The following SH3RF2 variants were observed in gnomAD, a reference collection of about 807,000 sequenced individuals.
The protein encoded by SH3RF2 is SH3 domain containing ring finger 2, also known as E3 ubiquitin-protein ligase SH3RF2.
Under a neutral mutation model 59.0 loss-of-function variants are expected in SH3RF2, and 43 were observed. The ratio of observed to expected loss-of-function variants is 0.73; its 90% CI spans 0.57 to 0.94. SH3RF2 has a LOEUF of 0.94. Ranked by LOEUF, SH3RF2 falls within the 40% of genes least tolerant of loss-of-function variation. The probability of loss-of-function intolerance (pLI) is 0.00; values close to 1 mark genes in which losing one functional copy is unlikely to be tolerated. For missense variants in SH3RF2, 930 were observed against 940.1 expected (o/e 0.99, Z 0.14); for synonymous variants, 391 against 391.5 (o/e 1.00, Z 0.01).
chr5:146,040,241 C>G (rs1404211127), intron 5 of SH3RF2, among the ~76,000 whole-genome samples: 1 of 152,096 alleles, frequency 6.6e-6, no homozygotes, highest in Non-Finnish European at 1.5e-5. Flanking sequence ...ATGCAGGTGT[C>G]TGTTTTACGG....
At chr5:146,042,348 C>A (rs778183140) in intron 5 of SH3RF2, among the ~76,000 whole-genome samples, 3 of 152,192 alleles carry the variant, frequency 2.0e-5, no homozygotes, top group Non-Finnish European at 2.9e-5. Flanking sequence ...AATCTCTTTG[C>A]AGATCAAAAT....
chr5:145,951,404 T>A (rs1758187690), intron 2 of SH3RF2, among the ~76,000 whole-genome samples: 1 of 152,228 alleles, frequency 6.6e-6, no homozygotes, highest in Non-Finnish European at 1.5e-5. Flanking sequence ...TCCCAAGTCA[T>A]GTTACCAGTT....
chr5:146,069,813 A>C (rs1351295988), intron 9 of SH3RF2, among the ~76,000 whole-genome samples: 1 of 152,022 alleles, frequency 6.6e-6, no homozygotes, highest in Non-Finnish European at 1.5e-5. Context: ...GGCTCTACCG[A>C]TCTGCCTGCC....
intron 9 of SH3RF2, among the ~76,000 whole-genome samples, chr5:146,074,455 G>T (rs1412865748): frequency 1.3e-5 from 2 of 151,944 alleles, no homozygotes; most frequent in Non-Finnish European, 2.9e-5. Context: ...TACAACGAGG[G>T]ACTTGGCTTA....
intron 9 of SH3RF2, among the ~76,000 whole-genome samples, chr5:146,070,586 G>A (rs976577785): frequency 1.3e-5 from 2 of 152,188 alleles, no homozygotes; most frequent in Admixed American, 1.3e-4. Context: ...CTCTTCATGA[G>A]ATTATTTCTG....
chr5:146,068,060 C>G (rs1429917523), downstream of SH3RF2, among the ~76,000 whole-genome samples: 1 of 152,226 alleles, frequency 6.6e-6, no homozygotes, highest in Non-Finnish European at 1.5e-5. Flanking sequence ...TGACAATCAC[C>G]TTCACCTGGT....
intron 2 of SH3RF2, among the ~76,000 whole-genome samples, chr5:145,994,608 T>G (rs539149734): frequency 5.9e-5 from 9 of 152,230 alleles, no homozygotes; most frequent in Admixed American, 2.0e-4. Context: ...CCATCAGATC[T>G]CATGAGACTT....
intron 2 of SH3RF2, among the ~76,000 whole-genome samples, chr5:145,996,959 G>A (rs1760182323): frequency 6.6e-6 from 1 of 152,180 alleles, no homozygotes; most frequent in South Asian, 2.1e-4. Flanking sequence ...TACACACTTA[G>A]CACATAGGAA....
intron 8 of SH3RF2, among the ~76,000 whole-genome samples, chr5:146,057,727 C>T (rs542644072): frequency 6.6e-6 from 1 of 152,164 alleles, no homozygotes; most frequent in African/African-American, 2.4e-5. Context: ...ATTACTTGAG[C>T]TCAGGAGTTC....
rs79323447 is a variant in SH3RF2, at chr5:146,008,281, G to C, written c.744+4128G>C. Among the ~76,000 whole-genome samples the C allele has an allele frequency of 6.8e-3, 1,033 of 152,276 alleles. 15 individuals are homozygous for C. Among genetic ancestry groups the C allele is most frequent in the African/African-American group, 0.024 (1,006 of 41,538 alleles). ...AGAGCTATTAATCATGTTGGCAGAG[G>C]ACAGGGCAGACGCAGAGTCTCCCGG... On this transcript the variant is annotated intron_variant, in intron 4 of 9. Coordinates refer to ENST00000359120, the MANE Select transcript of SH3RF2 (RefSeq NM_152550.4).
At chr5:145,960,676 CT>C (rs1346877982) in intron 2 of SH3RF2, among the ~76,000 whole-genome samples, 3 of 152,170 alleles carry the variant, frequency 2.0e-5, no homozygotes. Context: ...ACTCCTATGG[CT>C]GTCTAATTTC....
intron 9 of SH3RF2, among the ~76,000 whole-genome samples, chr5:146,074,922 C>T (rs1224935828): frequency 2.6e-5 from 4 of 152,140 alleles, no homozygotes; most frequent in Non-Finnish European, 5.9e-5. Context: ...AGGTAAGTCA[C>T]TTCACCTATC....
In SH3RF2 at chr5:145,936,703, C is replaced by G. The variant is rs910048978; in HGVS notation, c.-107+9C>G. 6.6e-6 allele frequency: 1 copy of G among 152,454 alleles called. No individual in the cohort carries two copies. Among genetic ancestry groups the G allele is most frequent in the Non-Finnish European group, 1.5e-5 (1 of 68,246 alleles). The allele number at this position is 152,454 out of a possible 1,614,324, so 9.4% of individuals were successfully genotyped here. On this transcript the variant is annotated intron_variant, in intron 1 of 9. Coordinates refer to ENST00000359120, the MANE Select transcript of SH3RF2 (RefSeq NM_152550.4). Reference sequence around the variant, plus strand: ...GAAGTTACATGCACAAGGTTAGTGGCCCCCACACGCCTCCCCAGCCCGCTG... The same window carrying G: ...GAAGTTACATGCACAAGGTTAGTGGGCCCCACACGCCTCCCCAGCCCGCTG...
intron 5 of SH3RF2, among the ~76,000 whole-genome samples, chr5:146,021,235 C>G (rs1561746698): frequency 6.6e-6 from 1 of 152,080 alleles, no homozygotes; most frequent in African/African-American, 2.4e-5. Flanking sequence ...TTCCTTTGGA[C>G]ACCCTCCCAG....
intron 5 of SH3RF2, among the ~76,000 whole-genome samples, chr5:146,038,677 A>T (rs1416510324): frequency 6.6e-6 from 1 of 152,226 alleles, no homozygotes; most frequent in African/African-American, 2.4e-5. Context: ...GCTCTAACAT[A>T]AGTGGAGAAT....
At chr5:146,055,676 G>T in intron 7 of SH3RF2, 1 of 380,536 alleles carries the variant, frequency 2.6e-6, no homozygotes, top group Non-Finnish European at 4.8e-6. Context: ...AGGGATGTGG[G>T]GTGAGGAATG....
chr5:146,041,932 A>G (rs11747075), intron 5 of SH3RF2, among the ~76,000 whole-genome samples: 1 of 152,088 alleles, frequency 6.6e-6, no homozygotes, highest in East Asian at 1.9e-4. Flanking sequence ...CCCTGTCTCA[A>G]AAAAATAAAA....
At chr5:145,949,508 T>A (rs962665751) in intron 2 of SH3RF2, among the ~76,000 whole-genome samples, 8 of 152,176 alleles carry the variant, frequency 5.3e-5, no homozygotes, top group Non-Finnish European at 1.2e-4. Flanking sequence ...TAAACAGGAA[T>A]GGCAGAGAAA....
At chr5:146,052,722 T>C (rs1373136427) in intron 7 of SH3RF2, among the ~76,000 whole-genome samples, 1 of 152,210 alleles carries the variant, frequency 6.6e-6, no homozygotes, top group Non-Finnish European at 1.5e-5. Flanking sequence ...AGTCCATCTA[T>C]CTGTGTGCAG....
Sources: gnomAD v4.1 joint callset for allele counts (sites outside exome capture counted in the v4.1 genomes callset) on GRCh38, gnomAD v4.1.1 for gene constraint, MANE v1.5 for transcripts, NCBI Gene and HGNC (gene_info 2026-07-23, HGNC 2026-07-21) for gene names.